The following RPS6KC1 variants were observed in gnomAD, a reference collection of about 807,000 sequenced individuals.
The protein encoded by RPS6KC1 is inactive ribosomal protein S6 kinase delta-1.
A neutral mutation model predicts 103.8 loss-of-function variants in RPS6KC1; 54 were observed. That is an observed-to-expected ratio of 0.52 (90% confidence interval 0.42 to 0.65). The LOEUF (loss-of-function observed/expected upper bound fraction) is 0.65. Ranked by LOEUF, RPS6KC1 falls within the 30% of genes least tolerant of loss-of-function variation. RPS6KC1 has a pLI of 0.00. For missense variants in RPS6KC1, 1,151 were observed against 1,253.8 expected (o/e 0.92, Z 1.24); for synonymous variants, 439 against 438.7 (o/e 1.00, Z -0.01).
the RPS6KC1 span, among the ~76,000 whole-genome samples, chr1:213,432,630 C>T: frequency 1.3e-5 from 2 of 152,112 alleles, no homozygotes; most frequent in Non-Finnish European, 2.9e-5. Flanking sequence ...CCTTCCACCT[C>T]CCAACCTTTC....
intron 8 of RPS6KC1, among the ~76,000 whole-genome samples, chr1:213,200,532 C>T (rs889389631): frequency 1.3e-5 from 2 of 152,126 alleles, no homozygotes; most frequent in Non-Finnish European, 2.9e-5. Flanking sequence ...TATAAAAACC[C>T]TTGAAGACAA....
chr1:213,345,010 T>C, the RPS6KC1 span, among the ~76,000 whole-genome samples: 2 of 152,206 alleles, frequency 1.3e-5, no homozygotes, highest in Non-Finnish European at 2.9e-5. Flanking sequence ...TTTGACCTTT[T>C]AGTATATTTT....
chr1:213,110,847 CTT>C (rs1330660603), intron 4 of RPS6KC1, among the ~76,000 whole-genome samples: 4 of 152,018 alleles, frequency 2.6e-5, no homozygotes, highest in African/African-American at 9.7e-5. Flanking sequence ...GCTGTCTGGT[CTT>C]TTCCTGACTG....
the RPS6KC1 span, among the ~76,000 whole-genome samples, chr1:213,664,156 G>A: frequency 3.4e-5 from 5 of 148,420 alleles, no homozygotes; most frequent in East Asian, 1.0e-3. Context: ...GGTGATGTGG[G>A]GAGAGGCAGG....
the RPS6KC1 span, among the ~76,000 whole-genome samples, chr1:213,474,607 A>G: frequency 6.6e-6 from 1 of 152,322 alleles, no homozygotes; most frequent in East Asian, 1.9e-4. Flanking sequence ...ATTAAACAAC[A>G]TCATCTTGGT....
At chr1:213,250,176 G>A (rs1039021798) in intron 12 of RPS6KC1, among the ~76,000 whole-genome samples, 1 of 152,148 alleles carries the variant, frequency 6.6e-6, no homozygotes, top group Admixed American at 6.6e-5. Flanking sequence ...GAGGTGAGCC[G>A]AAAAAGCGAA....
the RPS6KC1 span, among the ~76,000 whole-genome samples, chr1:213,685,851 T>G: frequency 6.6e-6 from 1 of 152,220 alleles, no homozygotes; most frequent in Non-Finnish European, 1.5e-5. Context: ...TAAATTCAGC[T>G]TTTGTTTGTT....
the RPS6KC1 span, among the ~76,000 whole-genome samples, chr1:213,316,732 T>TGC: frequency 1.4e-5 from 2 of 147,052 alleles, no homozygotes; most frequent in Non-Finnish European, 3.0e-5. Flanking sequence ...TGTGTGTGTG[T>TGC]GTTGGAGGGG....
At chr1:213,420,135 G>A in the RPS6KC1 span, among the ~76,000 whole-genome samples, 2 of 152,132 alleles carry the variant, frequency 1.3e-5, no homozygotes, top group East Asian at 1.9e-4. Flanking sequence ...GCTTAATCTC[G>A]CCACTGCGTG....
chr1:213,051,461 G>T lies in RPS6KC1; in HGVS notation c.57G>T (p.Glu19Asp), dbSNP rs373786068. ...TGGCCCGTTTCTACACTGTCACCGA[G>T]CCCCAGCGACACCCGAGGGGCTACA... ...ADLARFYTVT[E>D]PQRHPRGYTV... is the part of the protein sequence containing the mutation. Residue 19 changes from glutamate to aspartate, a missense_variant, in exon 1 of 15, where the codon GAG becomes GAT. Physicochemically the swap from Glu to Asp is conservative, Grantham distance 45. Coordinates refer to ENST00000366960, the MANE Select transcript of RPS6KC1 (RefSeq NM_012424.6). 6.2e-7 allele frequency: 1 copy of T among 1,613,654 alleles called. No homozygotes were observed. The highest frequency in any genetic ancestry group is 8.5e-7 in the Non-Finnish European group (1 of 1,179,854).
At chr1:213,492,307 C>T in the RPS6KC1 span, 2 of 152,230 alleles carry the variant, frequency 1.3e-5, no homozygotes, top group South Asian at 2.1e-4. Flanking sequence ...AATGGCTGCC[C>T]GTTTAGGGTT....
the RPS6KC1 span, among the ~76,000 whole-genome samples, chr1:213,302,482 T>C: frequency 3.3e-5 from 5 of 152,088 alleles, no homozygotes; most frequent in African/African-American, 1.2e-4. Flanking sequence ...GGCAACATAG[T>C]GTGACTCTCT....
the RPS6KC1 span, among the ~76,000 whole-genome samples, chr1:213,561,932 G>A: frequency 6.6e-6 from 1 of 152,282 alleles, no homozygotes; most frequent in South Asian, 2.1e-4. Flanking sequence ...GTTGTTGGGG[G>A]CACAAGCCCA....
At chr1:213,430,967 G>A in the RPS6KC1 span, among the ~76,000 whole-genome samples, 1 of 152,132 alleles carries the variant, frequency 6.6e-6, no homozygotes, top group African/African-American at 2.4e-5. Context: ...CTGAATTCGC[G>A]CTTGCCGTTG....
chr1:213,751,686 G>C, the RPS6KC1 span, among the ~76,000 whole-genome samples: 1 of 152,180 alleles, frequency 6.6e-6, no homozygotes, highest in African/African-American at 2.4e-5. Context: ...GAAAGACAGA[G>C]GGCTTATGAA....
chr1:213,536,020 A>G, the RPS6KC1 span, among the ~76,000 whole-genome samples: 1,485 of 152,178 alleles, frequency 9.8e-3, 30 homozygotes, highest in African/African-American at 0.033. Context: ...AAGGCAGCCA[A>G]TAGTGTTCCC....
chr1:213,759,831 T>C, the RPS6KC1 span, among the ~76,000 whole-genome samples: 1 of 152,162 alleles, frequency 6.6e-6, no homozygotes, highest in African/African-American at 2.4e-5. Flanking sequence ...CAAGGCTCCA[T>C]CTTCCCCTCC....
At chr1:213,681,328 T>C in the RPS6KC1 span, among the ~76,000 whole-genome samples, 1 of 152,218 alleles carries the variant, frequency 6.6e-6, no homozygotes. Context: ...CAGCCTTTCC[T>C]CTAACAAGGC....
At chr1:213,072,854 T>C (rs2079007134) in intron 2 of RPS6KC1, 7 of 624,430 alleles carry the variant, frequency 1.1e-5, no homozygotes, top group Non-Finnish European at 1.2e-5. Context: ...TGTAGCTTGA[T>C]GTTCCCATTT....
Sources: gnomAD v4.1 joint callset for allele counts (sites outside exome capture counted in the v4.1 genomes callset) on GRCh38, gnomAD v4.1.1 for gene constraint, MANE v1.5 for transcripts, NCBI Gene and HGNC (gene_info 2026-07-23, HGNC 2026-07-21) for gene names.